RPS11: variants seen among roughly 807,000 people sequenced by gnomAD.
The protein encoded by RPS11 is small ribosomal subunit protein uS17.
For synonymous variants in RPS11, 107 were observed against 78.0 expected, an observed-to-expected ratio of 1.37 and a Z score of -1.96; for missense variants, 127 against 211.4, an observed-to-expected ratio of 0.60 and a Z score of 2.48.
intron 2 of RPS11, 75 bp downstream of exon 2, chr19:49,497,400 G>T: frequency 6.2e-7 from 1 of 1,603,584 alleles, no homozygotes; most frequent in Non-Finnish European, 8.5e-7. Flanking sequence ...TGCCCTGCCT[G>T]CATCTAAGTG....
At position 49,497,954 on chromosome 19, in the gene RPS11, C is replaced by T. The variant is rs908739493; in HGVS notation, c.261C>T (p.Val87=). 2 of 1,614,044 alleles carry T rather than the reference C, an allele frequency of 1.2e-6. No individual in the cohort carries two copies. Among genetic ancestry groups the T allele is most frequent in the East Asian group, 2.2e-5 (1 of 44,898 alleles). ...VTKMKMQRTI[V]IRRDYLHYIR... is the part of the protein sequence containing the mutation. ...AGATGAAGATGCAGAGGACCATTGT[C>T]ATCCGCCGAGACTATCTGCACTACA... The change falls in exon 4 of 5, where the codon GTC becomes GTT. Residue 87 remains valine, a synonymous_variant. Coordinates refer to ENST00000270625, the MANE Select transcript of RPS11 (RefSeq NM_001015.5).
At position 49,497,975 on chromosome 19, in the gene RPS11, C is replaced by T. The variant is rs1330510614; in HGVS notation, c.282C>T (p.His94=). 4 of 1,614,158 alleles carry T rather than the reference C, an allele frequency of 2.5e-6. No individual in the cohort carries two copies. The Admixed American group carries it at 6.7e-5, about 27-fold the overall frequency. The change falls in exon 4 of 5, where the codon CAC becomes CAT. Residue 94 remains histidine (H), a synonymous_variant. Coordinates refer to ENST00000270625, the MANE Select transcript of RPS11 (RefSeq NM_001015.5). Reference sequence around the variant, plus strand: ...TTGTCATCCGCCGAGACTATCTGCACTACATCCGCAAGTACAACCGCTTCG... The same window carrying T: ...TTGTCATCCGCCGAGACTATCTGCATTACATCCGCAAGTACAACCGCTTCG... ...RTIVIRRDYL[H]YIRKYNRFEK...
intron 1 of RPS11, among the ~76,000 whole-genome samples, chr19:49,496,958 C>T (rs909472846): frequency 1.3e-5 from 2 of 151,936 alleles, no homozygotes; most frequent in Non-Finnish European, 2.9e-5. Flanking sequence ...CCCTGAGAGG[C>T]CTTCTGGAGT....
chr19:49,498,076 G>A lies in RPS11; in HGVS notation c.353+30G>A, dbSNP rs376456320. The A allele has an allele frequency of 3.1e-6, 5 of 1,611,174 alleles. No individual in the cohort carries two copies. In the African/African-American group the frequency reaches 6.7e-5, roughly 22 times the overall value. The stretch of plus-strand genomic sequence containing the variant: ...GCGCAGTGGCCCATCAGGTTGCTCA[G>A]GCCACGCTCTCTCAGCCTTCAGATT... On this transcript the variant is annotated intron_variant, in intron 4 of 4. Transcript: ENST00000270625.
At chr19:49,497,129 C>T in intron 1 of RPS11, 65 bp from the exon 2 acceptor site, 1 of 1,599,102 alleles carries the variant, frequency 6.3e-7, no homozygotes, top group South Asian at 1.1e-5. Context: ...GGGAAGGTCT[C>T]TAGGGCTGGT....
In RPS11 at chr19:49,498,053, G is replaced by A. The variant is rs367828292; in HGVS notation, c.353+7G>A. On this transcript the variant is annotated splice_region_variant and intron_variant, in intron 4 of 4. Coordinates refer to ENST00000270625, the MANE Select transcript of RPS11 (RefSeq NM_001015.5). The stretch of plus-strand genomic sequence containing the variant: ...ACCTGTCCCCCTGCTTCAGGTGAGC[G>A]CAGTGGCCCATCAGGTTGCTCAGGC... 1.3e-4 allele frequency: 209 copies of A among 1,611,970 alleles called. No individual in the cohort carries two copies. In the East Asian group the frequency reaches 3.8e-3, roughly 29 times the overall value.
Position 49,497,942 on chromosome 19 carries a change from G to A in RPS11, c.249G>A (p.Gln83=). The change falls in exon 4 of 5, where the codon CAG becomes CAA. Residue 83 remains glutamine, a synonymous_variant. Coordinates refer to ENST00000270625, the MANE Select transcript of RPS11 (RefSeq NM_001015.5). ...LSGVVTKMKM[Q]RTIVIRRDYL... is the part of the protein sequence containing the mutation. ...GCGTGGTGACCAAGATGAAGATGCAGAGGACCATTGTCATCCGCCGAGACT... is the reference window on the plus strand; with the variant it reads ...GCGTGGTGACCAAGATGAAGATGCAAAGGACCATTGTCATCCGCCGAGACT... 1 of 1,614,156 alleles carries A rather than the reference G, an allele frequency of 6.2e-7. No homozygotes were observed.
At chr19:49,498,253 C>T in intron 4 of RPS11, 1 of 587,090 alleles carries the variant, frequency 1.7e-6, no homozygotes, top group Non-Finnish European at 3.0e-6. Context: ...TGCTTGGAAC[C>T]AGATTTTGGA....
At chr19:49,499,090 C>T (rs1601174477) in intron 4 of RPS11, among the ~76,000 whole-genome samples, 1 of 152,022 alleles carries the variant, frequency 6.6e-6, no homozygotes, top group African/African-American at 2.4e-5. Context: ...GCCCTCTGGG[C>T]GGGGAGGATC....
intron 2 of RPS11, 48 bp downstream of exon 2, chr19:49,497,373 G>A: frequency 6.2e-7 from 1 of 1,612,142 alleles, no homozygotes; most frequent in Admixed American, 1.7e-5. Context: ...GTTCCTGCAC[G>A]TGTGCCCACG....
chr19:49,499,683 A>C lies in RPS11; in HGVS notation c.*48A>C, dbSNP rs753545232. On this transcript the variant is annotated 3_prime_UTR_variant, in exon 5 of 5. Transcript: ENST00000270625. ...CACAATGAAATAAAGTTATTTTCTC[A>C]TTCCCAGGCCAGACTTGGGATCTTC... 1.4e-4 allele frequency: 219 copies of C among 1,591,310 alleles called. No individual in the cohort carries two copies. The highest frequency in any genetic ancestry group is 1.8e-4 in the Non-Finnish European group (206 of 1,164,800).
chr19:49,498,267 T>C, intron 4 of RPS11: 2 of 560,028 alleles, frequency 3.6e-6, no homozygotes, highest in Non-Finnish European at 6.4e-6. Context: ...TTTTGGAATG[T>C]TCTCGCATAC....
At position 49,497,555 on chromosome 19, in the gene RPS11, C is replaced by T. The variant is rs1463584002; in HGVS notation, c.183C>T (p.Pro61=). ...GCACCTACATTGACAAGAAATGCCC[C>T]TTCACTGGTAATGTGTCCATTCGAG... is the stretch of plus-strand genomic sequence containing the variant. ...IEGTYIDKKC[P]FTGNVSIRGR... The change falls in exon 3 of 5, where the codon CCC becomes CCT. Residue 61 remains proline (P), a synonymous_variant. Transcript: ENST00000270625. The T allele has an allele frequency of 1.5e-5, 24 of 1,613,926 alleles. No individual in the cohort carries two copies. The highest frequency in any genetic ancestry group is 8.3e-5 in the Admixed American group (5 of 59,992).
At chr19:49,497,857 T>C (rs1451777024) in intron 3 of RPS11, 60 bp from the exon 4 acceptor site, 1 of 1,611,174 alleles carries the variant, frequency 6.2e-7, no homozygotes, top group East Asian at 2.2e-5. Context: ...CAGCATGCCC[T>C]GGGTTACCTA....
chr19:49,496,565 G>T, intron 1 of RPS11, 94 bp downstream of exon 1: 1 of 1,322,600 alleles, frequency 7.6e-7, no homozygotes, highest in Non-Finnish European at 1.0e-6. Flanking sequence ...AAGTTCGGGG[G>T]TTAATTCCGG....
At chr19:49,496,598 G>A in intron 1 of RPS11, 127 bp downstream of exon 1, 4 of 1,026,274 alleles carry the variant, frequency 3.9e-6, no homozygotes, top group Non-Finnish European at 5.6e-6. Flanking sequence ...ATTTTCTAGA[G>A]ATTAACTGGA....
At position 49,499,477 on chromosome 19, in the gene RPS11, C is replaced by T. The variant is rs375537436; in HGVS notation, c.354-35C>T. On this transcript the variant is annotated intron_variant, in intron 4 of 4. Transcript: ENST00000270625. Reference sequence around the variant, plus strand: ...GCCTCCTGGGGTCTGCTGGGGTGGCCCCTCCTGAGGACATGGCCCTACCTG... The same window carrying T: ...GCCTCCTGGGGTCTGCTGGGGTGGCTCCTCCTGAGGACATGGCCCTACCTG... The T allele has an allele frequency of 1.1e-5, 17 of 1,596,790 alleles. No individual in the cohort carries two copies. In the African/African-American group the frequency reaches 2.3e-4, roughly 21 times the overall value.
chr19:49,496,617 C>T (rs564331377), intron 1 of RPS11, 146 bp downstream of exon 1: 17 of 863,830 alleles, frequency 2.0e-5, no homozygotes, highest in Middle Eastern at 2.7e-4. Context: ...GAGTGGAGGG[C>T]GCTTGCTTTT....
intron 4 of RPS11, among the ~76,000 whole-genome samples, chr19:49,499,161 C>T (rs999476432): frequency 7.9e-5 from 12 of 152,044 alleles, no homozygotes; most frequent in East Asian, 1.9e-4. Context: ...TGATGCTGAG[C>T]GATAAGGGAC....
Sources: allele counts gnomAD v4.1 joint callset (sites outside exome capture counted in the v4.1 genomes callset), GRCh38; gene constraint gnomAD v4.1.1; transcripts MANE v1.5; gene names NCBI Gene and HGNC (gene_info 2026-07-23, HGNC 2026-07-21).